PDCD4: variants seen among roughly 807,000 people sequenced by gnomAD.
PDCD4 encodes programmed cell death protein 4.
A neutral mutation model predicts 54.0 loss-of-function variants in PDCD4; 56 were observed. The ratio of observed to expected loss-of-function variants is 1.04; its 90% CI spans 0.84 to 1.30. The LOEUF (loss-of-function observed/expected upper bound fraction) is 1.30. Among genes scored for constraint, PDCD4 ranks in the 50% most tolerant of loss-of-function variants. PDCD4 has a pLI of 0.00. For missense variants in PDCD4, 584 were observed against 559.8 expected, an observed-to-expected ratio of 1.04 and a Z score of -0.44; for synonymous variants, 186 against 194.8, an observed-to-expected ratio of 0.95 and a Z score of 0.37.
chr10:110,887,883 A>G lies in PDCD4; in HGVS notation c.774A>G (p.Pro258=), dbSNP rs745463543. 2.5e-6 allele frequency: 4 copies of G among 1,585,186 alleles called. No individual in the cohort carries two copies. Among genetic ancestry groups the G allele is most frequent in the Non-Finnish European group, 3.5e-6 (4 of 1,154,004 alleles). Reference sequence around the variant, plus strand: ...TAGCACTGGATACTCCTAGAGCACCACAGGTTTGTATGATTCTTCTTTTTG... The same window carrying G: ...TAGCACTGGATACTCCTAGAGCACCGCAGGTTTGTATGATTCTTCTTTTTG... ...PELALDTPRA[P]QLVGQFIARA... Residue 258 remains proline, a synonymous_variant, in exon 6 of 12, where the codon CCA becomes CCG. Transcript: ENST00000280154.
At chr10:110,874,621 T>A (rs1355294386) in intron 1 of PDCD4, among the ~76,000 whole-genome samples, 1 of 152,152 alleles carries the variant, frequency 6.6e-6, no homozygotes, top group Non-Finnish European at 1.5e-5. Context: ...TAGAGAATGA[T>A]CTCACCATTT....
intron 1 of PDCD4, among the ~76,000 whole-genome samples, chr10:110,874,587 A>G (rs1339430206): frequency 4.6e-5 from 7 of 152,114 alleles, no homozygotes. Context: ...AGATTCACAT[A>G]TATTAATTTA....
At chr10:110,888,598 T>C (rs1256555085) in intron 6 of PDCD4, among the ~76,000 whole-genome samples, 1 of 152,158 alleles carries the variant, frequency 6.6e-6, no homozygotes, top group Non-Finnish European at 1.5e-5. Context: ...AAGTTTTCCA[T>C]TCTCCTTTCT....
In PDCD4 at chr10:110,887,754, T is replaced by TA; in HGVS notation, c.646dup (p.Arg216LysfsTer6). 2 of 1,613,308 alleles carry TA rather than the reference T, an allele frequency of 1.2e-6. No homozygotes were observed. The highest frequency in any genetic ancestry group is 1.7e-6 in the Non-Finnish European group (2 of 1,179,288). ...TAGCATTGGAGGGGAAGGCTAGTCA[T>TA]AGAGAGATGACATCTAAGCTTCTTT... On this transcript the variant is annotated frameshift_variant, in exon 6 of 12. Coordinates refer to ENST00000280154, the MANE Select transcript of PDCD4 (RefSeq NM_014456.5). LOFTEE classifies it high-confidence loss of function.
In PDCD4 at chr10:110,881,505, T is replaced by C. The variant is rs760442992; in HGVS notation, c.316T>C (p.Ser106Pro). The change falls in exon 3 of 12, where the codon TCT (serine) becomes CCT (proline). Residue 106 changes from serine to proline, a missense_variant. Ser to Pro is a moderately conservative substitution (Grantham distance 74, BLOSUM62 -1). Coordinates refer to ENST00000280154, the MANE Select transcript of PDCD4 (RefSeq NM_014456.5). ...KGRLLDRRSRSGKGRGLPKKG... is the reference protein window; with the variant it reads ...KGRLLDRRSRPGKGRGLPKKG... ...AAGGTTGCTGGATAGGCGATCCAGA[T>C]CTGGGAAAGGAAGGGGACTACCAAA... The C allele has an allele frequency of 3.7e-6, 6 of 1,612,698 alleles. No individual in the cohort carries two copies. Among genetic ancestry groups the C allele is most frequent in the Non-Finnish European group, 4.2e-6 (5 of 1,178,758 alleles).
chr10:110,886,102 A>T (rs1407744297), intron 5 of PDCD4, among the ~76,000 whole-genome samples: 2 of 152,174 alleles, frequency 1.3e-5, no homozygotes, highest in Non-Finnish European at 2.9e-5. Context: ...TACCATCTGG[A>T]GGAATTTGTA....
chr10:110,896,527 G>A (rs1196798953), intron 11 of PDCD4, among the ~76,000 whole-genome samples: 3 of 152,142 alleles, frequency 2.0e-5, no homozygotes, highest in African/African-American at 7.2e-5. Flanking sequence ...ACAGGTTGGA[G>A]AATTAGGGCT....
intron 1 of PDCD4, among the ~76,000 whole-genome samples, chr10:110,874,257 G>A (rs771619337): frequency 5.3e-5 from 8 of 152,126 alleles, no homozygotes; most frequent in Non-Finnish European, 7.4e-5. Context: ...AGGGCTTTAT[G>A]AACATCAATT....
chr10:110,880,075 G>A (rs963309779), intron 2 of PDCD4, among the ~76,000 whole-genome samples: 1 of 152,216 alleles, frequency 6.6e-6, no homozygotes, highest in African/African-American at 2.4e-5. Context: ...AGCTAATTCA[G>A]TAGCCTTTCT....
chr10:110,897,437 TC>T (rs1845857624), intron 11 of PDCD4, among the ~76,000 whole-genome samples: 1 of 152,204 alleles, frequency 6.6e-6, no homozygotes, highest in African/African-American at 2.4e-5. Flanking sequence ...GGCCAGCTGT[TC>T]CTTCTGGGCT....
At position 110,898,028 on chromosome 10, in the gene PDCD4, G is replaced by T; in HGVS notation, c.1350G>T (p.Arg450Ser). 1.3e-6 allele frequency: 2 copies of T among 1,580,922 alleles called. No individual in the cohort carries two copies. Among genetic ancestry groups the T allele is most frequent in the Non-Finnish European group, 1.7e-6 (2 of 1,161,138 alleles). The part of the protein sequence containing the change: ...SKQLRDLCPS[R>S]GRKRFVSEGD... ...ATGTCTTTTTTTTTCTTCATTACAG[G>T]GGCAGAAAGCGTTTTGTAAGCGAAG... The change falls in exon 12 of 12, where the codon AGG becomes AGT. Residue 450 changes from arginine to serine, a missense_variant and splice_region_variant. Arg to Ser is a moderately radical substitution (Grantham distance 110). Coordinates refer to ENST00000280154, the MANE Select transcript of PDCD4 (RefSeq NM_014456.5).
At chr10:110,897,914 A>T in intron 11 of PDCD4, 114 bp from the exon 12 acceptor site, 1 of 566,724 alleles carries the variant, frequency 1.8e-6, no homozygotes, top group Non-Finnish European at 2.9e-6. Flanking sequence ...TTTAATGGAA[A>T]ACCCTTTAAA....
chr10:110,890,523 C>A, intron 7 of PDCD4, 33 bp from the exon 8 acceptor site: 1 of 1,296,598 alleles, frequency 7.7e-7, no homozygotes, highest in South Asian at 1.3e-5. Flanking sequence ...GTATGTCCAG[C>A]TATCAAACTT....
At chr10:110,872,927 G>T (rs1363388758) in intron 1 of PDCD4, among the ~76,000 whole-genome samples, 2 of 152,184 alleles carry the variant, frequency 1.3e-5, no homozygotes, top group African/African-American at 2.4e-5. Context: ...TCGCTACGTA[G>T]CCAGCAACTG....
chr10:110,881,372 G>T lies in PDCD4; in HGVS notation c.183G>T (p.Arg61Ser). 2.5e-6 allele frequency: 4 copies of T among 1,614,142 alleles called. No homozygotes were observed. Among genetic ancestry groups the T allele is most frequent in the Non-Finnish European group, 2.5e-6 (3 of 1,180,020 alleles). Residue 61 changes from arginine to serine, a missense_variant, in exon 3 of 12, where the codon AGG becomes AGT. Arg to Ser is a moderately radical substitution (Grantham distance 110). Coordinates refer to ENST00000280154, the MANE Select transcript of PDCD4 (RefSeq NM_014456.5). ...CTAGAATTAATGCCAAGGCAAAAAG[G>T]CGACTAAGGAAAAACTCATCCCGGG... ...NEARINAKAKRRLRKNSSRDS... is the reference protein window; with the variant it reads ...NEARINAKAKSRLRKNSSRDS...
intron 6 of PDCD4, among the ~76,000 whole-genome samples, chr10:110,889,274 T>C (rs1845719405): frequency 6.7e-6 from 1 of 149,506 alleles, no homozygotes; most frequent in South Asian, 2.1e-4. Flanking sequence ...ATTCAGGCAG[T>C]GTGCAAGGTG....
chr10:110,895,618 C>T (rs941436549), intron 10 of PDCD4, among the ~76,000 whole-genome samples: 2 of 152,060 alleles, frequency 1.3e-5, no homozygotes, highest in Non-Finnish European at 2.9e-5. Flanking sequence ...TCGGGTTGAA[C>T]GGTAATTCTA....
rs1379287923 is a variant in PDCD4, at chr10:110,896,106, A to T, written c.1349+19A>T. The T allele has an allele frequency of 1.3e-6, 2 of 1,556,738 alleles. No individual in the cohort carries two copies. The highest frequency in any genetic ancestry group is 1.4e-5 in the African/African-American group (1 of 72,230). Reference sequence around the variant, plus strand: ...CTTCAAGGTACTTTATTTAAATACTACTTTCTCAATGTAAAATAGTGGATG... The same window carrying T: ...CTTCAAGGTACTTTATTTAAATACTTCTTTCTCAATGTAAAATAGTGGATG... On this transcript the variant is annotated intron_variant, in intron 11 of 11. Transcript: ENST00000280154.
intron 1 of PDCD4, 86 bp from the exon 2 acceptor site, chr10:110,875,880 A>T: frequency 1.2e-5 from 6 of 488,818 alleles, no homozygotes; most frequent in Non-Finnish European, 1.4e-5. Flanking sequence ...GTTTGTTTTT[A>T]CAGTGTGCTT....
Sources: allele counts gnomAD v4.1 joint callset (sites outside exome capture counted in the v4.1 genomes callset), GRCh38; gene constraint gnomAD v4.1.1; transcripts MANE v1.5; gene names NCBI Gene and HGNC (gene_info 2026-07-23, HGNC 2026-07-21).